The following NKAIN3 variants were observed in gnomAD, a reference collection of about 807,000 sequenced individuals.
NKAIN3 encodes the protein sodium/potassium transporting ATPase interacting 3, also known as sodium/potassium-transporting ATPase subunit beta-1-interacting protein 3.
Under a neutral mutation model 30.2 loss-of-function variants are expected in NKAIN3, and 25 were observed. The ratio of observed to expected loss-of-function variants is 0.83; its 90% confidence interval spans 0.60 to 1.16. The LOEUF (loss-of-function observed/expected upper bound fraction) is 1.16. Among genes scored for constraint, NKAIN3 ranks in the 50% most tolerant of loss-of-function variants. The probability of loss-of-function intolerance (pLI) is 0.00; values close to 1 mark genes in which losing one functional copy is unlikely to be tolerated. For missense variants in NKAIN3, 225 were observed against 254.1 expected (o/e 0.89, Z 0.78); for synonymous variants, 91 against 89.6 (o/e 1.02, Z -0.09).
intron 3 of NKAIN3, among the ~76,000 whole-genome samples, chr8:62,667,588 TACC>T (rs1813166509): frequency 6.6e-6 from 1 of 151,828 alleles, no homozygotes; most frequent in Admixed American, 6.6e-5. Flanking sequence ...AGCAGACCAT[TACC>T]ACCATTCCTG....
chr8:62,799,188 C>A (rs1186241581), intron 4 of NKAIN3, among the ~76,000 whole-genome samples: 1 of 152,084 alleles, frequency 6.6e-6, no homozygotes, highest in Non-Finnish European at 1.5e-5. Flanking sequence ...AAGCAGTCTG[C>A]CCAAAATAAT....
At chr8:62,914,076 A>C (rs1181971823) in intron 4 of NKAIN3, among the ~76,000 whole-genome samples, 3 of 152,198 alleles carry the variant, frequency 2.0e-5, no homozygotes, top group African/African-American at 7.2e-5. Context: ...CTCAATAGTA[A>C]AAACACGGAA....
At chr8:62,854,820 T>C (rs1820012442) in intron 4 of NKAIN3, among the ~76,000 whole-genome samples, 1 of 152,230 alleles carries the variant, frequency 6.6e-6, no homozygotes. Flanking sequence ...CATATGTTTT[T>C]GTAATGGCTG....
intron 5 of NKAIN3, among the ~76,000 whole-genome samples, chr8:62,948,560 G>A (rs981307097): frequency 6.6e-6 from 1 of 152,072 alleles, no homozygotes; most frequent in Non-Finnish European, 1.5e-5. Context: ...ATCTTAAAGT[G>A]GAAACACAGG....
intron 4 of NKAIN3, among the ~76,000 whole-genome samples, chr8:62,848,475 G>A (rs1819758686): frequency 6.6e-6 from 1 of 152,082 alleles, no homozygotes; most frequent in Admixed American, 6.6e-5. Context: ...CAGCTTGACT[G>A]TTGTTGGTGT....
chr8:62,956,618 T>C (rs1823425934), intron 6 of NKAIN3, among the ~76,000 whole-genome samples: 1 of 152,184 alleles, frequency 6.6e-6, no homozygotes, highest in African/African-American at 2.4e-5. Context: ...CATATGGATT[T>C]GGTCTCTCAT....
At chr8:62,649,906 C>T (rs541421842) in intron 3 of NKAIN3, among the ~76,000 whole-genome samples, 1 of 152,058 alleles carries the variant, frequency 6.6e-6, no homozygotes, top group African/African-American at 2.4e-5. Context: ...GCAAAGTCCC[C>T]GTGATAATAG....
At chr8:62,280,137 T>G (rs1009325526) in intron 1 of NKAIN3, among the ~76,000 whole-genome samples, 1 of 149,828 alleles carries the variant, frequency 6.7e-6, no homozygotes, top group Non-Finnish European at 1.5e-5. Flanking sequence ...TTTGAAGCAA[T>G]TGTGAATGGG....
intron 3 of NKAIN3, among the ~76,000 whole-genome samples, chr8:62,612,317 A>T (rs1234195265): frequency 6.6e-6 from 1 of 152,014 alleles, no homozygotes; most frequent in African/African-American, 2.4e-5. Flanking sequence ...GTATATATTT[A>T]AAATTGTTAT....
rs145273360 is a variant in NKAIN3, at chr8:62,339,883, A to G, written c.54+90756A>G. Among the ~76,000 whole-genome samples, 594 of 152,188 alleles carry G rather than the reference A, an allele frequency of 3.9e-3. 5 individuals carry two copies. Among genetic ancestry groups the G allele is most frequent in the East Asian group, 0.025 (130 of 5,150 alleles). On this transcript the variant is annotated intron_variant, in intron 1 of 6. Transcript: ENST00000623646. ...TGAAATGGTAAGGAAGACTTTATTCAGGACTATTGTGATAGGTGTCAAAAC... is the reference window on the plus strand; with the variant it reads ...TGAAATGGTAAGGAAGACTTTATTCGGGACTATTGTGATAGGTGTCAAAAC...
At chr8:62,687,243 G>T (rs1223059149) in intron 3 of NKAIN3, among the ~76,000 whole-genome samples, 1 of 152,198 alleles carries the variant, frequency 6.6e-6, no homozygotes, top group Non-Finnish European at 1.5e-5. Context: ...GCAAAAAACA[G>T]AAGGAAAACA....
chr8:62,551,082 A>C (rs1183232497), intron 1 of NKAIN3, among the ~76,000 whole-genome samples: 3 of 152,218 alleles, frequency 2.0e-5, no homozygotes, highest in Non-Finnish European at 4.4e-5. Context: ...CTAAACACAT[A>C]AAGTATTGCT....
intron 6 of NKAIN3, among the ~76,000 whole-genome samples, chr8:62,957,322 G>T (rs940165309): frequency 6.6e-6 from 1 of 152,172 alleles, no homozygotes; most frequent in Non-Finnish European, 1.5e-5. Context: ...TTTTAGTAGA[G>T]ACGGGGTTTC....
intron 3 of NKAIN3, among the ~76,000 whole-genome samples, chr8:62,627,903 T>A (rs1811839143): frequency 6.6e-6 from 1 of 152,032 alleles, no homozygotes; most frequent in Non-Finnish European, 1.5e-5. Flanking sequence ...GGTTTCCTTA[T>A]CCTTAAGAAC....
intron 4 of NKAIN3, among the ~76,000 whole-genome samples, chr8:62,848,241 A>G (rs1819752496): frequency 2.0e-5 from 3 of 152,222 alleles, no homozygotes; most frequent in African/African-American, 7.2e-5. Context: ...TGGGAGTAGC[A>G]CTGAATCTAT....
At chr8:62,312,423 G>C (rs2129588757) in intron 1 of NKAIN3, among the ~76,000 whole-genome samples, 1 of 150,590 alleles carries the variant, frequency 6.6e-6, no homozygotes, top group South Asian at 2.1e-4. Context: ...CCACTTCACT[G>C]GCATCTTTTC....
At chr8:62,848,476 T>A (rs1212574096) in intron 4 of NKAIN3, among the ~76,000 whole-genome samples, 1 of 152,156 alleles carries the variant, frequency 6.6e-6, no homozygotes, top group Non-Finnish European at 1.5e-5. Context: ...AGCTTGACTG[T>A]TGTTGGTGTA....
At chr8:62,770,980 A>G (rs1816990049) in intron 4 of NKAIN3, among the ~76,000 whole-genome samples, 1 of 152,168 alleles carries the variant, frequency 6.6e-6, no homozygotes, top group African/African-American at 2.4e-5. Flanking sequence ...AAAAAATGAG[A>G]CATGCAAAGA....
intron 3 of NKAIN3, among the ~76,000 whole-genome samples, chr8:62,674,907 C>T (rs763015854): frequency 6.6e-6 from 1 of 152,182 alleles, no homozygotes; most frequent in Non-Finnish European, 1.5e-5. Flanking sequence ...AAGTGGGGGA[C>T]AGGTCTGGCA....
Sources: allele counts gnomAD v4.1 joint callset (sites outside exome capture counted in the v4.1 genomes callset), GRCh38; gene constraint gnomAD v4.1.1; transcripts MANE v1.5; gene names NCBI Gene and HGNC (gene_info 2026-07-23, HGNC 2026-07-21).